SPMAP1: variants seen among roughly 807,000 people sequenced by gnomAD.
SPMAP1 encodes uncharacterized protein C17orf98.
the SPMAP1 span, among the ~76,000 whole-genome samples, chr17:38,838,930 CAAAAAACTAACTGG>C: frequency 3.3e-5 from 5 of 151,320 alleles, no homozygotes; most frequent in Non-Finnish European, 7.4e-5. Flanking sequence ...ACTAAAAATA[CAAAAAACTAACTGG>C]GTGTGGTGGC....
the SPMAP1 span, chr17:38,837,286 A>G: frequency 7.6e-7 from 1 of 1,312,672 alleles, no homozygotes; most frequent in Non-Finnish European, 1.1e-6. Context: ...GTCAGCCACA[A>G]TGCTGAGGGG....
chr17:38,840,769 G>T, the SPMAP1 span, among the ~76,000 whole-genome samples: 1 of 151,052 alleles, frequency 6.6e-6, no homozygotes, highest in African/African-American at 2.4e-5. Context: ...TGGCACCACC[G>T]CACTCCAGCC....
the SPMAP1 span, chr17:38,841,402 A>G: frequency 6.2e-7 from 1 of 1,612,980 alleles, no homozygotes; most frequent in Admixed American, 1.7e-5. Context: ...CAACCACCGT[A>G]GCCTCGGAGG....
the SPMAP1 span, among the ~76,000 whole-genome samples, chr17:38,837,714 A>C: frequency 1.3e-5 from 2 of 151,660 alleles, no homozygotes; most frequent in Non-Finnish European, 2.9e-5. Context: ...AAAGAAAAAG[A>C]AGAACCTATT....
At chr17:38,841,250 T>C in the SPMAP1 span, 64,300 of 1,614,126 alleles carry the variant, frequency 0.04, 1,441 homozygotes, top group Non-Finnish European at 0.047. Flanking sequence ...GTGGTAGTCC[T>C]GCTGCGCGTT....
chr17:38,835,101 AT>A, the SPMAP1 span: 1 of 1,431,516 alleles, frequency 7.0e-7, no homozygotes, highest in Non-Finnish European at 9.7e-7. Context: ...ACACAAATTA[AT>A]TTTTTTAACG....
At chr17:38,839,601 C>A in the SPMAP1 span, among the ~76,000 whole-genome samples, 1 of 151,930 alleles carries the variant, frequency 6.6e-6, no homozygotes, top group South Asian at 2.1e-4. Flanking sequence ...CCCTGGCTAA[C>A]ACAGTGAAAC....
At chr17:38,835,087 G>T in the SPMAP1 span, 1 of 1,251,614 alleles carries the variant, frequency 8.0e-7, no homozygotes, top group Non-Finnish European at 1.1e-6. Context: ...CAGCACACGT[G>T]GAGACACAAA....
the SPMAP1 span, chr17:38,841,197 G>C: frequency 1.2e-6 from 2 of 1,613,764 alleles, no homozygotes; most frequent in Non-Finnish European, 1.7e-6. Flanking sequence ...TCAGTTTTCC[G>C]CAAAAGGGGC....
chr17:38,835,676 T>C, the SPMAP1 span, among the ~76,000 whole-genome samples: 1 of 152,314 alleles, frequency 6.6e-6, no homozygotes, highest in African/African-American at 2.4e-5. Flanking sequence ...AATCTCACCC[T>C]TGCCTCTGAC....
At chr17:38,840,004 A>G in the SPMAP1 span, among the ~76,000 whole-genome samples, 1 of 152,124 alleles carries the variant, frequency 6.6e-6, no homozygotes. Context: ...CAAATACTGG[A>G]AGCAAAATGT....
the SPMAP1 span, chr17:38,841,273 C>G: frequency 6.2e-7 from 1 of 1,614,188 alleles, no homozygotes; most frequent in Non-Finnish European, 8.5e-7. Flanking sequence ...AGGGCGGAAT[C>G]GCCGACCACA....
At chr17:38,840,834 C>G in the SPMAP1 span, among the ~76,000 whole-genome samples, 103 of 150,770 alleles carry the variant, frequency 6.8e-4, no homozygotes, top group South Asian at 2.7e-3. Context: ...ATGGCGAAAC[C>G]CCGTCTCTAC....
chr17:38,839,226 C>T, the SPMAP1 span, among the ~76,000 whole-genome samples: 2 of 151,236 alleles, frequency 1.3e-5, no homozygotes, highest in East Asian at 2.0e-4. Context: ...AATTACGAGT[C>T]GATGCCAGCA....
chr17:38,840,206 TG>T, the SPMAP1 span, among the ~76,000 whole-genome samples: 1 of 152,306 alleles, frequency 6.6e-6, no homozygotes, highest in East Asian at 1.9e-4. Context: ...CCCCATGCCC[TG>T]CCACTATGAT....
At chr17:38,840,253 A>T in the SPMAP1 span, among the ~76,000 whole-genome samples, 1 of 152,186 alleles carries the variant, frequency 6.6e-6, no homozygotes, top group African/African-American at 2.4e-5. Context: ...TGCAGGTCAA[A>T]TCAATTCCCT....
At chr17:38,839,183 C>T in the SPMAP1 span, among the ~76,000 whole-genome samples, 15 of 151,194 alleles carry the variant, frequency 9.9e-5, no homozygotes, top group Non-Finnish European at 1.8e-4. Context: ...TCTTCCTTTT[C>T]CCCTCCCCAG....
chr17:38,838,812 C>T, the SPMAP1 span, among the ~76,000 whole-genome samples: 1 of 150,500 alleles, frequency 6.6e-6, no homozygotes, highest in Non-Finnish European at 1.5e-5. Context: ...AGGCCGGGTG[C>T]GGTGGCCCAC....
chr17:38,835,315 G>T, the SPMAP1 span: 1 of 1,614,042 alleles, frequency 6.2e-7, no homozygotes, highest in African/African-American at 1.3e-5. Flanking sequence ...CATTGTAGTG[G>T]TCATGCCCAG....
Sources: gnomAD v4.1 joint callset for allele counts (sites outside exome capture counted in the v4.1 genomes callset) on GRCh38, gnomAD v4.1.1 for gene constraint, MANE v1.5 for transcripts, NCBI Gene and HGNC (gene_info 2026-07-23, HGNC 2026-07-21) for gene names.